Variants in HTR4 observed in about 807,000 individuals in gnomAD.
HTR4 encodes the protein 5-hydroxytryptamine receptor 4.
A neutral mutation model predicts 36.8 loss-of-function variants in HTR4; 16 were observed. The ratio of observed to expected loss-of-function variants is 0.43; its 90% CI spans 0.29 to 0.66. HTR4 has a LOEUF of 0.66. Ranked by LOEUF, HTR4 falls within the 30% of genes least tolerant of loss-of-function variation. The pLI is 0.13. For synonymous variants in HTR4, 189 were observed against 185.1 expected (o/e 1.02, Z -0.17); for missense variants, 438 against 490.9 (o/e 0.89, Z 1.02).
chr5:148,607,157 C>T (rs182206152), intron 2 of HTR4, among the ~76,000 whole-genome samples: 1 of 152,230 alleles, frequency 6.6e-6, no homozygotes, highest in East Asian at 1.9e-4. Context: ...TTTAACTTCC[C>T]AGGAACCCAA....
chr5:148,621,374 T>C (rs963391500), intron 2 of HTR4, among the ~76,000 whole-genome samples: 1 of 152,206 alleles, frequency 6.6e-6, no homozygotes, highest in Non-Finnish European at 1.5e-5. Context: ...AGCTGTCTTC[T>C]CTGGACTTCT....
intron 2 of HTR4, among the ~76,000 whole-genome samples, chr5:148,592,940 T>C (rs2127260129): frequency 6.6e-6 from 1 of 152,318 alleles, no homozygotes; most frequent in Admixed American, 6.5e-5. Context: ...GATTACTATG[T>C]TTTTCTCTTT....
At chr5:148,499,527 C>T (rs939898803) in intron 6 of HTR4, among the ~76,000 whole-genome samples, 7 of 152,120 alleles carry the variant, frequency 4.6e-5, no homozygotes, top group Non-Finnish European at 1.0e-4. Flanking sequence ...TGATTGGTTT[C>T]TTTTTAAATC....
chr5:148,599,144 G>C (rs1169668231), intron 2 of HTR4, among the ~76,000 whole-genome samples: 1 of 152,122 alleles, frequency 6.6e-6, no homozygotes, highest in East Asian at 1.9e-4. Context: ...ATAGCCGATA[G>C]ATGAGATACA....
At chr5:148,516,303 T>A (rs926987051) in intron 5 of HTR4, among the ~76,000 whole-genome samples, 4 of 149,312 alleles carry the variant, frequency 2.7e-5, no homozygotes, top group Admixed American at 2.0e-4. Context: ...TTCCATTCAA[T>A]TCCCCCCTCT....
At position 148,649,706 on chromosome 5, in the gene HTR4, T is replaced by C. The variant is rs139141124; in HGVS notation, c.-48+4356A>G. Among the ~76,000 whole-genome samples, 152 of 151,538 alleles carry C rather than the reference T, an allele frequency of 1.0e-3. 1 individual carries two copies. The highest frequency in any genetic ancestry group is 3.5e-3 in the African/African-American group (145 of 41,538). The stretch of plus-strand genomic sequence containing the variant: ...GCAAAGGTTTTTCTGAAACTCAAAA[T>C]AAGAGGCAAAGCTTAGATGCTTAGT... On this transcript the variant is annotated intron_variant, in intron 1 of 6. Coordinates refer to ENST00000377888, the MANE Select transcript of HTR4 (RefSeq NM_000870.7).
chr5:148,643,534 A>C (rs1325554815), intron 1 of HTR4, among the ~76,000 whole-genome samples: 1 of 152,238 alleles, frequency 6.6e-6, no homozygotes, highest in East Asian at 1.9e-4. Flanking sequence ...AAAAAAGAGA[A>C]GATTCAGTCA....
chr5:148,550,946 C>T (rs1759652335), intron 2 of HTR4, among the ~76,000 whole-genome samples: 1 of 152,178 alleles, frequency 6.6e-6, no homozygotes, highest in Non-Finnish European at 1.5e-5. Context: ...TACCCTCTAC[C>T]TATAAAACCT....
At chr5:148,481,470 C>T (rs1393636111), downstream of HTR4, 2 of 1,079,128 alleles carry the variant, frequency 1.9e-6, no homozygotes, top group Non-Finnish European at 2.7e-6. Context: ...CTTTCAGAGG[C>T]TATTTTCCTT....
chr5:148,453,921 T>A (rs559674930), intron 5 of HTR4, among the ~76,000 whole-genome samples: 5 of 152,220 alleles, frequency 3.3e-5, no homozygotes, highest in African/African-American at 1.2e-4. Flanking sequence ...GTAAAGGTGG[T>A]GAGGAATGGT....
chr5:148,522,622 A>G (rs1758075475), intron 5 of HTR4, among the ~76,000 whole-genome samples: 1 of 152,232 alleles, frequency 6.6e-6, no homozygotes, highest in South Asian at 2.1e-4. Flanking sequence ...ATTCAGGACT[A>G]TCAACATAGG....
At chr5:148,485,404 C>T (rs939682055) in intron 6 of HTR4, among the ~76,000 whole-genome samples, 2 of 152,216 alleles carry the variant, frequency 1.3e-5, no homozygotes, top group Non-Finnish European at 2.9e-5. Context: ...ATCATTTTGA[C>T]AACTACCACT....
At chr5:148,583,347 G>T (rs1304302009) in intron 2 of HTR4, among the ~76,000 whole-genome samples, 1 of 151,782 alleles carries the variant, frequency 6.6e-6, no homozygotes, top group Non-Finnish European at 1.5e-5. Flanking sequence ...TGATGAGTTA[G>T]TGGGTGCAGC....
At position 148,482,192 on chromosome 5, in the gene HTR4, G is replaced by C. The variant is rs1293195332; in HGVS notation, c.*1011C>G. The C allele has an allele frequency of 6.1e-6, 6 of 985,368 alleles. No individual in the cohort carries two copies. The highest frequency in any genetic ancestry group is 7.2e-6 in the Non-Finnish European group (6 of 830,008). 61.0% of individuals were successfully genotyped at this position (985,368 alleles called of 1,614,324 possible). A position where few individuals can be genotyped will look rare whatever the true frequency, so the allele number is the denominator to read the frequency against. On this transcript the variant is annotated 3_prime_UTR_variant, in exon 7 of 7. Coordinates refer to ENST00000377888, the MANE Select transcript of HTR4 (RefSeq NM_000870.7). ...GCTGGATCCTGCCCTCCTGCACCTT[G>C]GGGGAGCTGCAGGGGAAAATGAGTT...
intron 2 of HTR4, among the ~76,000 whole-genome samples, chr5:148,614,697 A>G (rs1257145218): frequency 3.3e-5 from 5 of 152,224 alleles, no homozygotes; most frequent in Non-Finnish European, 5.9e-5. Flanking sequence ...TAATTAAACT[A>G]AAGAGCTTCT....
At chr5:148,514,511 T>C (rs1214957546) in intron 5 of HTR4, among the ~76,000 whole-genome samples, 1 of 152,158 alleles carries the variant, frequency 6.6e-6, no homozygotes, top group Non-Finnish European at 1.5e-5. Flanking sequence ...AAACACTGCC[T>C]GCTGACAGGT....
chr5:148,600,361 C>G (rs1761943025), intron 2 of HTR4, among the ~76,000 whole-genome samples: 3 of 144,486 alleles, frequency 2.1e-5, no homozygotes, highest in Admixed American at 2.1e-4. Flanking sequence ...TTTTTTTTCA[C>G]ACATGACTGG....
chr5:148,547,515 T>C (rs1327906943), intron 4 of HTR4, among the ~76,000 whole-genome samples: 2 of 84,320 alleles, frequency 2.4e-5, no homozygotes, highest in African/African-American at 8.2e-5. Flanking sequence ...CAAGACTTGG[T>C]CTCAAAAAAT....
rs928140602 is a variant in HTR4, at chr5:148,490,536, A to G, written c.1077-7243T>C. 45 of 1,113,654 alleles carry G rather than the reference A, an allele frequency of 4.0e-5. 1 individual carries two copies. The highest frequency in any genetic ancestry group is 4.5e-5 in the Non-Finnish European group (41 of 906,122). 69.0% of individuals were successfully genotyped at this position (1,113,654 alleles called of 1,614,324 possible). ...TTAACTGCACTGTGGGACGATGCTT[A>G]TGATTTTGTAACTCACAGAATCACA... On this transcript the variant is annotated intron_variant, in intron 6 of 6. Coordinates refer to ENST00000377888, the MANE Select transcript of HTR4 (RefSeq NM_000870.7).
Sources: gnomAD v4.1 joint callset for allele counts (sites outside exome capture counted in the v4.1 genomes callset) on GRCh38, gnomAD v4.1.1 for gene constraint, MANE v1.5 for transcripts, NCBI Gene and HGNC (gene_info 2026-07-23, HGNC 2026-07-21) for gene names.